Variants in ATP11B observed in about 807,000 individuals in gnomAD.
ATP11B encodes the protein ATPase phospholipid transporting 11B (putative).
Under a neutral mutation model 157.8 loss-of-function variants are expected in ATP11B, and 81 were observed. The observed-to-expected ratio is 0.51, with a 90% confidence interval of 0.43 to 0.62. The LOEUF is 0.62. ATP11B is among the 20% of genes least tolerant of loss of function. The pLI is 0.00. For missense variants in ATP11B, 1,165 were observed against 1,402.2 expected, an observed-to-expected ratio of 0.83 and a Z score of 2.70; for synonymous variants, 451 against 469.4, an observed-to-expected ratio of 0.96 and a Z score of 0.51.
intron 29 of ATP11B, chr3:182,917,697 A>G: frequency 2.0e-6 from 2 of 985,316 alleles, no homozygotes; most frequent in Non-Finnish European, 2.4e-6. Context: ...CAATGTGCAT[A>G]ACTCTTAATA....
chr3:182,857,426 C>T (rs781236096), intron 10 of ATP11B, among the ~76,000 whole-genome samples: 4 of 152,014 alleles, frequency 2.6e-5, no homozygotes, highest in African/African-American at 7.2e-5. Flanking sequence ...GGATTACAGG[C>T]GTAGTGAGCC....
intron 2 of ATP11B, among the ~76,000 whole-genome samples, chr3:182,827,490 A>G (rs1717802427): frequency 6.6e-6 from 1 of 152,032 alleles, no homozygotes; most frequent in South Asian, 2.1e-4. Context: ...TTGGGCCACC[A>G]CAGTTTAACC....
In ATP11B at chr3:182,821,548, AT is replaced by A. The variant is rs374405003; in HGVS notation, c.144+1177del. On this transcript the variant is annotated intron_variant, in intron 2 of 29. Transcript: ENST00000323116. ...TCCTTGTTTCATTTTTTCCTGTGGC[AT>A]TTTTAAGTTGTCTTAGGTTATTCTG... Among the ~76,000 whole-genome samples the A allele has an allele frequency of 2.4e-3, 362 of 152,230 alleles. 4 individuals are homozygous for A. Among genetic ancestry groups the A allele is most frequent in the African/African-American group, 8.5e-3 (351 of 41,528 alleles).
rs551552648 is a variant in ATP11B at position 182,818,926 on chromosome 3, A to G, written c.28-1334A>G. ...CCCATGACCACTATGTAAAAAAAAA[A>G]AAAAAGAAAAAAAGAAAAAAACCTA... is the stretch of plus-strand genomic sequence containing the variant. On this transcript the variant is annotated intron_variant, in intron 1 of 29. Coordinates refer to ENST00000323116, the MANE Select transcript of ATP11B (RefSeq NM_014616.3). Among the ~76,000 whole-genome samples the G allele has an allele frequency of 4.9e-3, 741 of 151,070 alleles. 10 individuals carry two copies. The highest frequency in any genetic ancestry group is 0.021 in the Middle Eastern group (6 of 292).
intron 3 of ATP11B, 74 bp downstream of exon 3, chr3:182,828,283 C>A (rs112368316): frequency 1.6e-5 from 11 of 701,266 alleles, no homozygotes; most frequent in African/African-American, 1.3e-4. Context: ...AGAAAAATTA[C>A]ATTGTGTTGC....
At chr3:182,805,681 G>A (rs1340155685) in intron 1 of ATP11B, among the ~76,000 whole-genome samples, 2 of 149,416 alleles carry the variant, frequency 1.3e-5, no homozygotes, top group African/African-American at 4.9e-5. Context: ...GACTGGTCTC[G>A]AACTCCTAAC....
chr3:182,915,264 T>C (rs76690611), intron 29 of ATP11B: 97,531 of 984,318 alleles, frequency 0.099, 4,956 homozygotes, highest in Non-Finnish European at 0.1. Context: ...ATGTCTGTGG[T>C]TTCAATCCCC....
chr3:182,862,977 G>A (rs1435100692), intron 12 of ATP11B, among the ~76,000 whole-genome samples: 1 of 151,822 alleles, frequency 6.6e-6, no homozygotes, highest in Non-Finnish European at 1.5e-5. Flanking sequence ...GTGCAGTGGT[G>A]CAATCTCGGC....
intron 1 of ATP11B, among the ~76,000 whole-genome samples, chr3:182,815,483 A>AT (rs1188290396): frequency 6.6e-6 from 1 of 151,920 alleles, no homozygotes; most frequent in African/African-American, 2.4e-5. Flanking sequence ...AAGCATTGGT[A>AT]TTTTTTTTCC....
intron 17 of ATP11B, among the ~76,000 whole-genome samples, chr3:182,869,963 G>A (rs933699681): frequency 3.3e-5 from 5 of 152,212 alleles, no homozygotes; most frequent in South Asian, 2.1e-4. Flanking sequence ...CAACATGGAC[G>A]AATCTTGAAA....
Position 182,793,753 on chromosome 3 carries a change from C to T in ATP11B, c.-7C>T. 7.1e-7 allele frequency: 1 copy of T among 1,410,356 alleles called. No homozygotes were observed. 87.4% of individuals were successfully genotyped at this position (1,410,356 alleles called of 1,614,324 possible). Reference sequence around the variant, plus strand: ...CCCCGCGGGACCCGGACGGCGACGACGGGGGAATGTGGCGCTGGATCCGGC... The same window carrying T: ...CCCCGCGGGACCCGGACGGCGACGATGGGGGAATGTGGCGCTGGATCCGGC... On this transcript the variant is annotated 5_prime_UTR_variant, in exon 1 of 30. The change creates a new upstream start codon in the 5' untranslated region. Coordinates refer to ENST00000323116, the MANE Select transcript of ATP11B (RefSeq NM_014616.3).
At chr3:182,907,863 G>A (rs1407601766) in intron 28 of ATP11B, among the ~76,000 whole-genome samples, 1 of 152,198 alleles carries the variant, frequency 6.6e-6, no homozygotes, top group African/African-American at 2.4e-5. Context: ...TCCATTAAAT[G>A]TACAGTACAG....
chr3:182,810,761 T>C (rs1239739578), intron 1 of ATP11B, among the ~76,000 whole-genome samples: 1 of 152,254 alleles, frequency 6.6e-6, no homozygotes, highest in East Asian at 1.9e-4. Context: ...GAGTACTGTC[T>C]GTACTGCTCA....
chr3:182,798,622 A>C (rs923273549), intron 1 of ATP11B, among the ~76,000 whole-genome samples: 4 of 152,258 alleles, frequency 2.6e-5, no homozygotes, highest in African/African-American at 9.6e-5. Flanking sequence ...ACCTTGCTCC[A>C]GATCCTCTAA....
intron 28 of ATP11B, among the ~76,000 whole-genome samples, chr3:182,903,278 C>G (rs772741288): frequency 6.6e-6 from 1 of 152,104 alleles, no homozygotes; most frequent in Non-Finnish European, 1.5e-5. Flanking sequence ...GAAATTGACA[C>G]TTTTCCATTT....
intron 15 of ATP11B, among the ~76,000 whole-genome samples, chr3:182,867,839 G>A (rs1430693267): frequency 6.6e-6 from 1 of 152,102 alleles, no homozygotes. Flanking sequence ...CCAAAATGCA[G>A]GGATTACAGG....
intron 3 of ATP11B, among the ~76,000 whole-genome samples, chr3:182,828,703 A>T (rs1717897816): frequency 1.3e-5 from 2 of 149,390 alleles, no homozygotes; most frequent in Non-Finnish European, 1.5e-5. Context: ...TTTCCAGGAG[A>T]CTGTTTTCTT....
At chr3:182,820,969 A>G (rs1165005512) in intron 2 of ATP11B, among the ~76,000 whole-genome samples, 1 of 152,188 alleles carries the variant, frequency 6.6e-6, no homozygotes, top group African/African-American at 2.4e-5. Context: ...ACCCTATGAG[A>G]TAGCTTTTAT....
intron 29 of ATP11B, chr3:182,916,259 T>G (rs958766043): frequency 2.9e-5 from 29 of 985,330 alleles, no homozygotes; most frequent in Non-Finnish European, 3.5e-5. Flanking sequence ...CTATTTCATG[T>G]CTAATTTAAG....
Sources: gnomAD v4.1 joint callset for allele counts (sites outside exome capture counted in the v4.1 genomes callset) on GRCh38, gnomAD v4.1.1 for gene constraint, MANE v1.5 for transcripts, NCBI Gene and HGNC (gene_info 2026-07-23, HGNC 2026-07-21) for gene names.